GAS2: variants seen among roughly 807,000 people sequenced by gnomAD.
The protein encoded by GAS2 is growth arrest specific 2.
Under a neutral mutation model 37.5 loss-of-function variants are expected in GAS2, and 20 were observed. The ratio of observed to expected loss-of-function variants is 0.53; its 90% CI spans 0.37 to 0.77. The LOEUF is 0.77. GAS2 is among the 30% of genes least tolerant of loss of function. GAS2 has a pLI of 0.00. For missense variants in GAS2, 336 were observed against 373.4 expected, an observed-to-expected ratio of 0.90 and a Z score of 0.82; for synonymous variants, 144 against 132.2, an observed-to-expected ratio of 1.09 and a Z score of -0.61.
intron 7 of GAS2, among the ~76,000 whole-genome samples, chr11:22,802,700 T>A (rs780273499): frequency 3.1e-4 from 47 of 152,068 alleles, no homozygotes; most frequent in African/African-American, 7.2e-5. Flanking sequence ...TTTTATTTCT[T>A]ATCAACAACA....
intron 3 of GAS2, among the ~76,000 whole-genome samples, chr11:22,687,204 G>A (rs1850005628): frequency 6.6e-6 from 1 of 152,018 alleles, no homozygotes; most frequent in Non-Finnish European, 1.5e-5. Flanking sequence ...GTGTGTTCCT[G>A]TAGCCCCAGG....
chr11:22,637,812 G>T (rs1042439996), intron 1 of GAS2, among the ~76,000 whole-genome samples: 1 of 145,790 alleles, frequency 6.9e-6, no homozygotes, highest in Non-Finnish European at 1.5e-5. Context: ...TGTATAAATT[G>T]TATATATTTT....
intron 3 of GAS2, among the ~76,000 whole-genome samples, chr11:22,686,351 C>G (rs143688135): frequency 1.3e-5 from 2 of 151,910 alleles, no homozygotes; most frequent in Middle Eastern, 3.4e-3. Context: ...TAGTGTTTGA[C>G]TTTTTTTGAA....
intron 1 of GAS2, among the ~76,000 whole-genome samples, chr11:22,649,031 C>G (rs894102962): frequency 2.6e-5 from 4 of 152,160 alleles, no homozygotes; most frequent in African/African-American, 9.7e-5. Flanking sequence ...TTTGCCCATT[C>G]AGTATGATAT....
intron 7 of GAS2, among the ~76,000 whole-genome samples, chr11:22,801,751 C>CA (rs1856674660): frequency 6.6e-6 from 1 of 152,112 alleles, no homozygotes; most frequent in African/African-American, 2.4e-5. Context: ...ATCTGTGCAA[C>CA]ATTGCCAGTG....
At chr11:22,811,286 C>T (rs971828046) in intron 7 of GAS2, among the ~76,000 whole-genome samples, 1 of 152,206 alleles carries the variant, frequency 6.6e-6, no homozygotes, top group Non-Finnish European at 1.5e-5. Context: ...AGGGCTCAGA[C>T]AATGACTGGG....
At chr11:22,774,153 C>A (rs1428364267) in intron 7 of GAS2, among the ~76,000 whole-genome samples, 1 of 152,056 alleles carries the variant, frequency 6.6e-6, no homozygotes, top group African/African-American at 2.4e-5. Flanking sequence ...GCCACCACAC[C>A]CGGCTAATTT....
intron 3 of GAS2, among the ~76,000 whole-genome samples, chr11:22,724,693 A>G (rs67115442): frequency 0.14 from 20,908 of 152,088 alleles, 1,656 homozygotes; most frequent in East Asian, 0.2. Flanking sequence ...CCTGAAGTAT[A>G]TATCTGTGCA....
chr11:22,714,050 T>A (rs931142546), intron 3 of GAS2, among the ~76,000 whole-genome samples: 3 of 152,126 alleles, frequency 2.0e-5, no homozygotes, highest in African/African-American at 7.2e-5. Flanking sequence ...ACATTGAATG[T>A]AAATGGCTAC....
intron 7 of GAS2, among the ~76,000 whole-genome samples, chr11:22,787,973 A>G (rs1433192513): frequency 6.6e-6 from 1 of 152,158 alleles, no homozygotes; most frequent in African/African-American, 2.4e-5. Flanking sequence ...GGAATGGTTT[A>G]TTGGCTTCTT....
intron 2 of GAS2, among the ~76,000 whole-genome samples, chr11:22,684,287 A>C (rs1849833609): frequency 6.6e-6 from 1 of 152,198 alleles, no homozygotes; most frequent in African/African-American, 2.4e-5. Flanking sequence ...TGTGCAATAA[A>C]GGTGTCTGGA....
chr11:22,787,120 A>T (rs777738479), intron 7 of GAS2, among the ~76,000 whole-genome samples: 1 of 152,134 alleles, frequency 6.6e-6, no homozygotes, highest in Non-Finnish European at 1.5e-5. Flanking sequence ...GCATTTGTCT[A>T]TATTTGGTGA....
intron 7 of GAS2, among the ~76,000 whole-genome samples, chr11:22,793,849 A>G (rs542029044): frequency 6.6e-6 from 1 of 152,324 alleles, no homozygotes; most frequent in African/African-American, 2.4e-5. Context: ...AAATGGTACA[A>G]GAGAGGATTT....
rs1853777307 is a variant in GAS2 at position 22,752,190 on chromosome 11, G to A, written c.615+2929G>A. On this transcript the variant is annotated intron_variant, in intron 6 of 7. Transcript: ENST00000454584. ...GACTGTAGTCCTCATGCAGAGTCTG[G>A]TGATAAACTTTGGCATATCAAAGGC... Among the ~76,000 whole-genome samples, 3 of 152,072 alleles carry A rather than the reference G, an allele frequency of 2.0e-5. No individual in the cohort carries two copies. In the East Asian group the frequency reaches 5.8e-4, roughly 29 times the overall value.
intron 3 of GAS2, among the ~76,000 whole-genome samples, chr11:22,691,647 A>C (rs1850249914): frequency 6.6e-6 from 1 of 152,094 alleles, no homozygotes; most frequent in South Asian, 2.1e-4. Flanking sequence ...AGAATATATT[A>C]TGATGAGATG....
At chr11:22,741,661 G>GA (rs1407113625) in intron 5 of GAS2, among the ~76,000 whole-genome samples, 2 of 151,942 alleles carry the variant, frequency 1.3e-5, no homozygotes, top group East Asian at 1.9e-4. Context: ...TTACTTAAAA[G>GA]AAAAAAATAT....
At chr11:22,716,713 G>A (rs1180829703) in intron 3 of GAS2, among the ~76,000 whole-genome samples, 4 of 151,610 alleles carry the variant, frequency 2.6e-5, no homozygotes, top group African/African-American at 9.7e-5. Context: ...AACTGTTGCT[G>A]TTTACTGATG....
At chr11:22,723,720 G>A (rs1267293718) in intron 3 of GAS2, among the ~76,000 whole-genome samples, 3 of 151,988 alleles carry the variant, frequency 2.0e-5, no homozygotes, top group East Asian at 1.9e-4. Flanking sequence ...AGGGATATAG[G>A]TGGTAGATCT....
At chr11:22,759,691 C>A (rs1032268015) in intron 7 of GAS2, among the ~76,000 whole-genome samples, 5 of 152,122 alleles carry the variant, frequency 3.3e-5, no homozygotes, top group Non-Finnish European at 7.4e-5. Context: ...CTGATTTCTG[C>A]AGTAACAGAG....
Sources: allele counts gnomAD v4.1 joint callset (sites outside exome capture counted in the v4.1 genomes callset), GRCh38; gene constraint gnomAD v4.1.1; transcripts MANE v1.5; gene names NCBI Gene and HGNC (gene_info 2026-07-23, HGNC 2026-07-21).